The following ULK1 variants were observed in gnomAD, a reference collection of about 807,000 sequenced individuals.
The protein encoded by ULK1 is serine/threonine-protein kinase ULK1.
Under a neutral mutation model 117.5 loss-of-function variants are expected in ULK1, and 48 were observed. The ratio of observed to expected loss-of-function variants is 0.41; its 90% CI spans 0.32 to 0.52. The LOEUF is 0.52. ULK1 is among the 20% of genes least tolerant of loss of function. ULK1 has a pLI of 0.29. For synonymous variants in ULK1, 790 were observed against 637.8 expected, an observed-to-expected ratio of 1.24 and a Z score of -3.60; for missense variants, 1,387 against 1,473.4, an observed-to-expected ratio of 0.94 and a Z score of 0.96.
At position 131,915,887 on chromosome 12, in the gene ULK1, C is replaced by A; in HGVS notation, c.1610-4C>A. The A allele has an allele frequency of 6.2e-7, 1 of 1,609,570 alleles. No individual in the cohort carries two copies. The highest frequency in any genetic ancestry group is 8.5e-7 in the Non-Finnish European group (1 of 1,179,762). Reference sequence around the variant, plus strand: ...AGGTCGTGACGAGGCGTGTCTCTCTCTAGGCTCCTCTGCACCCGAGCACTC... The same window carrying A: ...AGGTCGTGACGAGGCGTGTCTCTCTATAGGCTCCTCTGCACCCGAGCACTC... On this transcript the variant is annotated splice_region_variant and splice_polypyrimidine_tract_variant and intron_variant, in intron 18 of 27. Transcript: ENST00000321867.
At chr12:131,914,962 T>A (rs768286380) in intron 16 of ULK1, 121 bp from the exon 17 acceptor site, 53 of 1,411,582 alleles carry the variant, frequency 3.8e-5, no homozygotes, top group Non-Finnish European at 5.0e-5. Flanking sequence ...TGGCGTGGCA[T>A]GGGGTCCTGG....
chr12:131,906,693 G>A, intron 3 of ULK1, 199 bp from the exon 4 acceptor site: 1 of 647,896 alleles, frequency 1.5e-6, no homozygotes, highest in South Asian at 1.8e-5. Context: ...ATCAGATGGA[G>A]ACCTGGCTGG....
chr12:131,899,496 T>C (rs1487958301), intron 3 of ULK1, among the ~76,000 whole-genome samples: 21 of 149,446 alleles, frequency 1.4e-4, no homozygotes, highest in Admixed American at 1.4e-3. Context: ...CCTATTTTAA[T>C]ATATTTTTTA....
rs1566132557 is a variant in ULK1 at position 131,921,856 on chromosome 12, C to T, written c.*495C>T. The T allele has an allele frequency of 4.3e-6, 2 of 461,244 alleles. No individual in the cohort carries two copies. Among genetic ancestry groups the T allele is most frequent in the Non-Finnish European group, 8.7e-6 (2 of 230,318 alleles). The allele number at this position is 461,244 out of a possible 1,614,324, so 28.6% of individuals were successfully genotyped here. ...CCCAAGCACTTTATGCATATAGAGA[C>T]AGAACCTGGACCTCACCAGGGACTG... On this transcript the variant is annotated 3_prime_UTR_variant, in exon 28 of 28. Coordinates refer to ENST00000321867, the MANE Select transcript of ULK1 (RefSeq NM_003565.4).
At chr12:131,917,593 G>T (rs1388212577) in intron 22 of ULK1, 39 bp downstream of exon 22, 3 of 1,354,952 alleles carry the variant, frequency 2.2e-6, no homozygotes, top group Middle Eastern at 2.1e-4. Context: ...CCCTTTTGGG[G>T]TGGTGGCAGC....
intron 18 of ULK1, 100 bp downstream of exon 18, chr12:131,915,521 G>C: frequency 7.1e-7 from 1 of 1,414,584 alleles, no homozygotes; most frequent in Non-Finnish European, 9.5e-7. Flanking sequence ...GTGAAAAGGA[G>C]TGGGAAGGAA....
At chr12:131,913,690 G>A (rs1889642769) in intron 14 of ULK1, 57 bp from the exon 15 acceptor site, 1 of 1,323,888 alleles carries the variant, frequency 7.6e-7, no homozygotes. Flanking sequence ...GGGTGACAGA[G>A]TGAGACTGCC....
At chr12:131,908,614 C>G in intron 5 of ULK1, 30 bp from the exon 6 acceptor site, 1 of 1,449,224 alleles carries the variant, frequency 6.9e-7, no homozygotes, top group Non-Finnish European at 9.0e-7. Context: ...GAAACACGGC[C>G]CCCAGGCCCT....
At chr12:131,907,973 G>A (rs1056433750) in intron 5 of ULK1, among the ~76,000 whole-genome samples, 8 of 148,436 alleles carry the variant, frequency 5.4e-5, no homozygotes, top group Admixed American at 1.4e-4. Context: ...CTGGGTGGGG[G>A]TCCGGGCCAC....
intron 26 of ULK1, chr12:131,920,598 T>C (rs1267092451): frequency 5.1e-6 from 1 of 197,956 alleles, no homozygotes; most frequent in Non-Finnish European, 1.0e-5. Context: ...TAAGAGAGGG[T>C]CTTGCACTGT....
chr12:131,894,651 G>A lies in ULK1; in HGVS notation c.-351G>A, dbSNP rs1888780920. On this transcript the variant is annotated 5_prime_UTR_variant, in exon 1 of 28. Coordinates refer to ENST00000321867, the MANE Select transcript of ULK1 (RefSeq NM_003565.4). ...CGGCTGCGCGGGCGTCTCAGGCTCT[G>A]AGGCCCGGGCGCCGCGGCTCTTTTG... 6.6e-6 allele frequency: 1 copy of A among 150,918 alleles called. No individual in the cohort carries two copies. The highest frequency in any genetic ancestry group is 6.6e-5 in the Admixed American group (1 of 15,174). The allele number at this position is 150,918 out of a possible 1,614,324, so 9.3% of individuals were successfully genotyped here.
rs1889557973 is a variant in ULK1, at chr12:131,912,001, C to G, written c.1008C>G (p.Gly336=). Residue 336 remains glycine, a synonymous_variant, in exon 13 of 28, where the codon GGC becomes GGG. Transcript: ENST00000321867. ...KTLASPADTA[G]FLHSSRDSGG... ...TGGCCTCCCCGGCTGACACCGCTGG[C>G]TTCCTGCACAGCTCCCGGGACTCTG... The G allele has an allele frequency of 6.2e-7, 1 of 1,612,810 alleles. No individual in the cohort carries two copies. Among genetic ancestry groups the G allele is most frequent in the African/African-American group, 1.3e-5 (1 of 74,944 alleles).
At chr12:131,918,452 G>C (rs371090890) in intron 22 of ULK1, 45 bp from the exon 23 acceptor site, 2 of 1,572,098 alleles carry the variant, frequency 1.3e-6, no homozygotes, top group African/African-American at 2.7e-5. Flanking sequence ...GGGGGCCACG[G>C]TGTCTGCTGG....
At chr12:131,919,691 C>CTCTGCA in intron 25 of ULK1, 101 bp downstream of exon 25, 1 of 1,385,602 alleles carries the variant, frequency 7.2e-7, no homozygotes, top group Non-Finnish European at 1.0e-6. Context: ...TTGAGTAGGC[C>CTCTGCA]CCTGTGCAGA....
Position 131,915,213 on chromosome 12 carries a change from T to C in ULK1, c.1504T>C (p.Tyr502His), listed in dbSNP as rs771930881. 11 of 1,601,202 alleles carry C rather than the reference T, an allele frequency of 6.9e-6. No individual in the cohort carries two copies. The Admixed American group carries it at 1.7e-4, about 25-fold the overall frequency. Reference protein sequence around the residue: ...RKMSLGGGRPYTPSPQVGTIP... With the variant: ...RKMSLGGGRPHTPSPQVGTIP... ...GATGTCTCTGGGTGGAGGCCGGCCCTACACGCCATCTCCTCAAGGTGCGCC... is the reference window on the plus strand; with the variant it reads ...GATGTCTCTGGGTGGAGGCCGGCCCCACACGCCATCTCCTCAAGGTGCGCC... Residue 502 changes from tyrosine to histidine, a missense_variant, in exon 17 of 28, where the codon TAC becomes CAC. Tyr to His is a moderately conservative substitution (Grantham distance 83, BLOSUM62 2). This residue lies in a region of ULK1 where 900 missense variants were observed against 858.9 expected (regional missense o/e 1.05). Transcript: ENST00000321867.
In ULK1 at chr12:131,908,666, C is replaced by T; in HGVS notation, c.339C>T (p.Asp113=). 2 of 1,560,794 alleles carry T rather than the reference C, an allele frequency of 1.3e-6. No individual in the cohort carries two copies. Among genetic ancestry groups the T allele is most frequent in the Non-Finnish European group, 1.7e-6 (2 of 1,158,338 alleles). Residue 113 remains aspartate (D), a synonymous_variant, in exon 6 of 28, where the codon GAC becomes GAT. Coordinates refer to ENST00000321867, the MANE Select transcript of ULK1 (RefSeq NM_003565.4). ...CAGCCATGCGCACGCTGAGCGAGGA[C>T]ACCATCAGGCTCTTCCTGCAGCAGA... is the stretch of plus-strand genomic sequence containing the variant. ...YLHAMRTLSE[D]TIRLFLQQIA... is the part of the protein sequence containing the mutation.
In ULK1 at chr12:131,919,285, C is replaced by A; in HGVS notation, c.2585C>A (p.Ala862Asp). 6.3e-7 allele frequency: 1 copy of A among 1,597,822 alleles called. No homozygotes were observed. The highest frequency in any genetic ancestry group is 8.5e-7 in the Non-Finnish European group (1 of 1,175,810). The change falls in exon 24 of 28, where the codon GCC becomes GAC. Residue 862 changes from alanine to aspartate, a missense_variant. Physicochemically the swap from Ala to Asp is moderately radical, Grantham distance 126. Around this residue, in one of 4 missense-constraint regions of ULK1, gnomAD observed 900 missense variants for 858.9 expected, o/e 1.05. Transcript: ENST00000321867. ...GTGCAGCACGTCCTGGAGATCGCAG[C>A]CCTGAAGGGCAGCGCCAGTGAGGCG... The part of the protein sequence containing the change: ...LFVQHVLEIA[A>D]LKGSASEAAG...
chr12:131,918,808 A>AG (rs1889993386), intron 23 of ULK1, 127 bp downstream of exon 23: 2 of 208,864 alleles, frequency 9.6e-6, no homozygotes, highest in Non-Finnish European at 1.2e-5. Flanking sequence ...TGTGGGGTGT[A>AG]GTGTGTGGGG....
chr12:131,899,646 A>G (rs1889011261), intron 3 of ULK1, among the ~76,000 whole-genome samples: 1 of 152,104 alleles, frequency 6.6e-6, no homozygotes, highest in African/African-American at 2.4e-5. Context: ...ACGCACCACC[A>G]TACTTGGTTA....
Sources: allele counts gnomAD v4.1 joint callset (sites outside exome capture counted in the v4.1 genomes callset), GRCh38; gene constraint gnomAD v4.1.1; regional missense constraint gnomAD v4.1.1; transcripts MANE v1.5; gene names NCBI Gene and HGNC (gene_info 2026-07-23, HGNC 2026-07-21).